WIF1: variants seen among roughly 807,000 people sequenced by gnomAD.
The protein encoded by WIF1 is Wnt inhibitory factor 1.
A neutral mutation model predicts 53.5 loss-of-function variants in WIF1; 35 were observed. That is an observed-to-expected ratio of 0.65 (90% CI 0.50 to 0.87). The LOEUF is 0.87. Among genes scored for constraint, WIF1 ranks in the 40% least tolerant of loss-of-function variants. The pLI is 0.00. For missense variants in WIF1, 467 were observed against 476.8 expected, an observed-to-expected ratio of 0.98 and a Z score of 0.19; for synonymous variants, 171 against 170.4, an observed-to-expected ratio of 1.00 and a Z score of -0.03.
intron 2 of WIF1, among the ~76,000 whole-genome samples, chr12:65,086,987 T>C (rs982221716): frequency 2.9e-4 from 44 of 151,050 alleles, no homozygotes; most frequent in Admixed American, 7.9e-4. Flanking sequence ...CTAAAAATAA[T>C]AATTAAAAAA....
At chr12:65,118,803 G>A (rs1488843066) in intron 2 of WIF1, among the ~76,000 whole-genome samples, 1 of 152,108 alleles carries the variant, frequency 6.6e-6, no homozygotes, top group Non-Finnish European at 1.5e-5. Context: ...TTAAGCCTTT[G>A]CTTCAAATTC....
At chr12:65,113,834 A>T (rs1334949302) in intron 2 of WIF1, among the ~76,000 whole-genome samples, 1 of 152,230 alleles carries the variant, frequency 6.6e-6, no homozygotes, top group Admixed American at 6.5e-5. Context: ...TCCTGAAAAA[A>T]ATCATGCCCA....
At chr12:65,070,097 T>G (rs1882749767) in intron 3 of WIF1, among the ~76,000 whole-genome samples, 1 of 152,190 alleles carries the variant, frequency 6.6e-6, no homozygotes, top group African/African-American at 2.4e-5. Context: ...ATAAATGAGC[T>G]GGAAACTGGA....
At chr12:65,085,375 A>T (rs1883020686) in intron 2 of WIF1, among the ~76,000 whole-genome samples, 1 of 152,234 alleles carries the variant, frequency 6.6e-6, no homozygotes, top group African/African-American at 2.4e-5. Flanking sequence ...ATAATATTTT[A>T]AATAATTTTG....
intron 2 of WIF1, among the ~76,000 whole-genome samples, chr12:65,091,074 T>G (rs2136629795): frequency 6.6e-6 from 1 of 152,230 alleles, no homozygotes; most frequent in Non-Finnish European, 1.5e-5. Context: ...TAGGCAAAAT[T>G]GGAATTATCT....
intron 6 of WIF1, 72 bp downstream of exon 6, chr12:65,066,569 A>G (rs1271072602): frequency 2.3e-6 from 3 of 1,282,250 alleles, no homozygotes; most frequent in South Asian, 1.6e-5. Flanking sequence ...GAGTGAGGAC[A>G]TATAAAGTAA....
chr12:65,100,323 C>A (rs1193953228), intron 2 of WIF1, among the ~76,000 whole-genome samples: 2 of 152,070 alleles, frequency 1.3e-5, no homozygotes, highest in Non-Finnish European at 2.9e-5. Flanking sequence ...GATCACTCAC[C>A]CACCACTTAC....
intron 2 of WIF1, among the ~76,000 whole-genome samples, chr12:65,116,522 A>T (rs980807194): frequency 6.6e-6 from 1 of 152,036 alleles, no homozygotes; most frequent in Non-Finnish European, 1.5e-5. Flanking sequence ...ATTCCACATT[A>T]TGGCGAGTTG....
At chr12:65,109,558 CT>C (rs1452979336) in intron 2 of WIF1, among the ~76,000 whole-genome samples, 7 of 152,186 alleles carry the variant, frequency 4.6e-5, no homozygotes, top group Admixed American at 2.6e-4. Context: ...TGGTGACTTC[CT>C]GAAGCCAGTT....
chr12:65,066,808 A>G (rs1294508847), intron 5 of WIF1, 72 bp from the exon 6 acceptor site: 2 of 1,053,346 alleles, frequency 1.9e-6, no homozygotes, highest in African/African-American at 1.6e-5. Flanking sequence ...AATGTCAATA[A>G]TACAACAGGT....
rs1481284893 is a variant in WIF1, at chr12:65,050,692, G to T, written c.*657C>A. The T allele has an allele frequency of 5.5e-6, 1 of 183,036 alleles. No homozygotes were observed. 11.3% of individuals were successfully genotyped at this position (183,036 alleles called of 1,614,324 possible). The stretch of plus-strand genomic sequence containing the variant: ...AGTATAAAATGTTTATTAGGTAAGA[G>T]CTGTGTTTTGTTTACAATATATTAT... On this transcript the variant is annotated 3_prime_UTR_variant, in exon 10 of 10. Coordinates refer to ENST00000286574, the MANE Select transcript of WIF1 (RefSeq NM_007191.5).
At chr12:65,097,602 C>G (rs1479323480) in intron 2 of WIF1, among the ~76,000 whole-genome samples, 4 of 152,132 alleles carry the variant, frequency 2.6e-5, no homozygotes, top group Admixed American at 2.6e-4. Flanking sequence ...ACTTCTTTTT[C>G]CTACTTTTCT....
intron 3 of WIF1, among the ~76,000 whole-genome samples, chr12:65,075,491 T>C (rs958752602): frequency 3.9e-5 from 6 of 152,108 alleles, no homozygotes; most frequent in African/African-American, 1.4e-4. Flanking sequence ...ACTATCACAA[T>C]AGTAAAATAA....
At chr12:65,115,395 G>A (rs1047413027) in intron 2 of WIF1, among the ~76,000 whole-genome samples, 1 of 152,022 alleles carries the variant, frequency 6.6e-6, no homozygotes, top group African/African-American at 2.4e-5. Flanking sequence ...AATCAGTAGT[G>A]GTATCCTAAT....
rs1257955815 is a variant in WIF1, at chr12:65,110,258, C to G, written c.288+10159G>C. ...TCATCCCTCCCCTGCCCCCTGCCCC[C>G]TTCCCCTGGCCCCCAATATTCTCCT... is the stretch of plus-strand genomic sequence containing the variant. On this transcript the variant is annotated intron_variant, in intron 2 of 9. Transcript: ENST00000286574. Among the ~76,000 whole-genome samples the G allele has an allele frequency of 5.3e-5, 8 of 151,810 alleles. 2 individuals are homozygous for G. Among genetic ancestry groups the G allele is most frequent in the Admixed American group, 5.2e-4 (8 of 15,244 alleles).
At chr12:65,111,890 G>C (rs993404346) in intron 2 of WIF1, among the ~76,000 whole-genome samples, 1 of 152,162 alleles carries the variant, frequency 6.6e-6, no homozygotes, top group African/African-American at 2.4e-5. Context: ...TACCCTGTGA[G>C]ATTTTATTCA....
In WIF1 at chr12:65,077,841, T is replaced by C. The variant is rs1882888221; in HGVS notation, c.302A>G (p.Tyr101Cys). 6.2e-7 allele frequency: 1 copy of C among 1,613,572 alleles called. No homozygotes were observed. The highest frequency in any genetic ancestry group is 1.1e-5 in the South Asian group (1 of 90,996). The change falls in exon 3 of 10, where the codon TAT becomes TGT. Residue 101 changes from tyrosine to cysteine, a missense_variant. By Grantham distance (194) the Tyr-to-Cys change is radical. Transcript: ENST00000286574. ...CAGGGAGCGCAAGGACAGGAATTCA[T>C]AGAAGTATTCTGCCTACAACCAAAG... The part of the protein sequence containing the change: ...WQAAGQAEYF[Y>C]EFLSLRSLDK...
chr12:65,116,928 GT>G (rs1883520175), intron 2 of WIF1, among the ~76,000 whole-genome samples: 1 of 60,656 alleles, frequency 1.6e-5, no homozygotes, highest in Admixed American at 2.8e-4. Flanking sequence ...GTGAGACTCT[GT>G]CTCAAAAAAA....
chr12:65,082,709 T>C (rs1882967820), intron 2 of WIF1, among the ~76,000 whole-genome samples: 1 of 152,184 alleles, frequency 6.6e-6, no homozygotes, highest in Non-Finnish European at 1.5e-5. Flanking sequence ...GCCTTTGTTC[T>C]GGCACTCCTT....
Sources: allele counts gnomAD v4.1 joint callset (sites outside exome capture counted in the v4.1 genomes callset), GRCh38; gene constraint gnomAD v4.1.1; transcripts MANE v1.5; gene names NCBI Gene and HGNC (gene_info 2026-07-23, HGNC 2026-07-21).